Variants in ZCCHC2 observed in about 807,000 individuals in gnomAD.
ZCCHC2 encodes the protein zinc finger CCHC domain-containing protein 2.
In ZCCHC2, 39 loss-of-function variants were observed where a neutral mutation model predicts 103.6. The ratio of observed to expected loss-of-function variants is 0.38; its 90% CI spans 0.29 to 0.49. The LOEUF is 0.49. Among genes scored for constraint, ZCCHC2 ranks in the 20% least tolerant of loss-of-function variants. ZCCHC2 has a pLI of 0.96. For missense variants in ZCCHC2, 1,483 were observed against 1,491.0 expected, an observed-to-expected ratio of 0.99 and a Z score of 0.09; for synonymous variants, 687 against 608.9, an observed-to-expected ratio of 1.13 and a Z score of -1.89.
At position 62,523,376 on chromosome 18, in the gene ZCCHC2, G is replaced by GGGGGGGGCGGCC; in HGVS notation, c.-49_-48insGGGGGGGCGGCC. 1 of 1,012,354 alleles carries GGGGGGGGCGGCC rather than the reference G, an allele frequency of 9.9e-7. No homozygotes were observed. Among genetic ancestry groups the GGGGGGGGCGGCC allele is most frequent in the Non-Finnish European group, 1.2e-6 (1 of 848,992 alleles). The allele number at this position is 1,012,354 out of a possible 1,614,324, so 62.7% of individuals were successfully genotyped here. Reference sequence around the variant, plus strand: ...GCCTCGGCCCGTGCTCCACCTCGCGGCCCCTCCCGCCCGCCCCCGCTCGCA... The same window carrying GGGGGGGGCGGCC: ...GCCTCGGCCCGTGCTCCACCTCGCGGGGGGGGGCGGCCCCCCTCCCGCCCGCCCCCGCTCGCA... On this transcript the variant is annotated 5_prime_UTR_variant, in exon 1 of 14. Transcript: ENST00000269499.
chr18:62,577,674 A>G lies in ZCCHC2; in HGVS notation c.*1095A>G, dbSNP rs529326948. On this transcript the variant is annotated 3_prime_UTR_variant, in exon 14 of 14. Coordinates refer to ENST00000269499, the MANE Select transcript of ZCCHC2 (RefSeq NM_017742.6). ...TACCACTATGCTTGATTATAATGTG[A>G]AAGGCGGAATTCTGAGTGTGTTAAG... 6.6e-6 allele frequency: 1 copy of G among 152,546 alleles called. No individual in the cohort carries two copies. Among genetic ancestry groups the G allele is most frequent in the Non-Finnish European group, 1.5e-5 (1 of 68,034 alleles). The allele number at this position is 152,546 out of a possible 1,614,324, so 9.4% of individuals were successfully genotyped here. A position where few individuals can be genotyped will look rare whatever the true frequency, so the allele number is the denominator to read the frequency against.
chr18:62,536,303 A>C (rs1412126201), intron 1 of ZCCHC2, among the ~76,000 whole-genome samples: 1 of 152,240 alleles, frequency 6.6e-6, no homozygotes, highest in South Asian at 2.1e-4. Flanking sequence ...ATGCACTCCT[A>C]CTAAAGTTCT....
downstream of ZCCHC2, among the ~76,000 whole-genome samples, chr18:62,582,059 A>G (rs1168867493): frequency 6.6e-6 from 1 of 152,260 alleles, no homozygotes; most frequent in African/African-American, 2.4e-5. Context: ...GGAAAATTAT[A>G]AAAGAGTTTC....
intron 12 of ZCCHC2, among the ~76,000 whole-genome samples, chr18:62,570,479 C>T (rs1916552731): frequency 6.6e-6 from 1 of 152,156 alleles, no homozygotes. Flanking sequence ...AAGACAGGAT[C>T]ATAATGAGGT....
At chr18:62,538,819 C>T (rs998703685) in intron 1 of ZCCHC2, among the ~76,000 whole-genome samples, 1 of 152,010 alleles carries the variant, frequency 6.6e-6, no homozygotes, top group Non-Finnish European at 1.5e-5. Context: ...CTTCTATTTG[C>T]CTAATTTTTT....
At chr18:62,568,214 T>C (rs1299496383) in intron 11 of ZCCHC2, among the ~76,000 whole-genome samples, 2 of 152,142 alleles carry the variant, frequency 1.3e-5, no homozygotes, top group Non-Finnish European at 2.9e-5. Flanking sequence ...GTATTTTTAG[T>C]GTTAGAATAG....
chr18:62,523,376 G>GGGGGCC lies in ZCCHC2; in HGVS notation c.-49_-48insGGGGCC. On this transcript the variant is annotated 5_prime_UTR_variant, in exon 1 of 14. Coordinates refer to ENST00000269499, the MANE Select transcript of ZCCHC2 (RefSeq NM_017742.6). ...GCCTCGGCCCGTGCTCCACCTCGCG[G>GGGGGCC]CCCCTCCCGCCCGCCCCCGCTCGCA... is the stretch of plus-strand genomic sequence containing the variant. The GGGGGCC allele has an allele frequency of 4.9e-6, 5 of 1,012,340 alleles. No homozygotes were observed. The highest frequency in any genetic ancestry group is 5.9e-6 in the Non-Finnish European group (5 of 848,976). The allele number at this position is 1,012,340 out of a possible 1,614,324, so 62.7% of individuals were successfully genotyped here.
chr18:62,558,257 T>C (rs1568551063), intron 6 of ZCCHC2, among the ~76,000 whole-genome samples: 1 of 152,176 alleles, frequency 6.6e-6, no homozygotes, highest in Non-Finnish European at 1.5e-5. Flanking sequence ...AGAACAGAAA[T>C]TGAGAGCAGA....
chr18:62,556,059 G>A, intron 5 of ZCCHC2, 144 bp from the exon 6 acceptor site: 1 of 623,710 alleles, frequency 1.6e-6, no homozygotes, highest in Non-Finnish European at 2.7e-6. Context: ...AAATACATTA[G>A]AAAATAATAT....
intron 13 of ZCCHC2, among the ~76,000 whole-genome samples, chr18:62,576,003 C>G (rs1833466313): frequency 6.8e-6 from 1 of 147,320 alleles, no homozygotes; most frequent in South Asian, 2.3e-4. Flanking sequence ...TTTCCCCATG[C>G]TACCCTTTTC....
At chr18:62,526,405 G>GT (rs1914398303) in intron 1 of ZCCHC2, 1 of 152,292 alleles carries the variant, frequency 6.6e-6, no homozygotes. Flanking sequence ...TAGGGTTACC[G>GT]TAACACATCA....
At chr18:62,575,620 A>ATCTGTTTG in intron 13 of ZCCHC2, 70 bp downstream of exon 13, 4 of 1,511,312 alleles carry the variant, frequency 2.6e-6, no homozygotes, top group Non-Finnish European at 3.6e-6. Flanking sequence ...CTTATTGATC[A>ATCTGTTTG]TGGGATTCTG....
At position 62,523,376 on chromosome 18, in the gene ZCCHC2, G is replaced by GGGGGGGGCCGC; in HGVS notation, c.-49_-48insGGGGGGGCCGC. On this transcript the variant is annotated 5_prime_UTR_variant, in exon 1 of 14. Coordinates refer to ENST00000269499, the MANE Select transcript of ZCCHC2 (RefSeq NM_017742.6). Reference sequence around the variant, plus strand: ...GCCTCGGCCCGTGCTCCACCTCGCGGCCCCTCCCGCCCGCCCCCGCTCGCA... The same window carrying GGGGGGGGCCGC: ...GCCTCGGCCCGTGCTCCACCTCGCGGGGGGGGGCCGCCCCCTCCCGCCCGCCCCCGCTCGCA... 3 of 1,012,354 alleles carry GGGGGGGGCCGC rather than the reference G, an allele frequency of 3.0e-6. No individual in the cohort carries two copies. The highest frequency in any genetic ancestry group is 3.5e-6 in the Non-Finnish European group (3 of 848,992). The allele number at this position is 1,012,354 out of a possible 1,614,324, so 62.7% of individuals were successfully genotyped here.
intron 5 of ZCCHC2, among the ~76,000 whole-genome samples, chr18:62,554,009 TTGAAAATGTATC>T (rs1389530375): frequency 6.6e-6 from 1 of 152,268 alleles, no homozygotes; most frequent in Non-Finnish European, 1.5e-5. Context: ...AAAGATATGT[TTGAAAATGTATC>T]TGAAATATGT....
At chr18:62,565,939 A>T (rs541996932) in intron 11 of ZCCHC2, among the ~76,000 whole-genome samples, 106 of 152,304 alleles carry the variant, frequency 7.0e-4, no homozygotes, top group Non-Finnish European at 1.2e-3. Flanking sequence ...AAAAATAGTT[A>T]CCTTTTGAAT....
At chr18:62,546,374 C>T (rs1044514022) in intron 4 of ZCCHC2, among the ~76,000 whole-genome samples, 3 of 152,210 alleles carry the variant, frequency 2.0e-5, no homozygotes, top group African/African-American at 2.4e-5. Context: ...CTCACCCCAC[C>T]GCCACACACT....
At chr18:62,540,345 A>G (rs1203781159) in intron 2 of ZCCHC2, among the ~76,000 whole-genome samples, 1 of 152,138 alleles carries the variant, frequency 6.6e-6, no homozygotes, top group Non-Finnish European at 1.5e-5. Flanking sequence ...TGGAAAATGT[A>G]GACTGCCATC....
intron 1 of ZCCHC2, among the ~76,000 whole-genome samples, chr18:62,531,974 A>C (rs2145487735): frequency 6.6e-6 from 1 of 152,216 alleles, no homozygotes; most frequent in African/African-American, 2.4e-5. Context: ...ACAGAGTGAG[A>C]CGCTGTTTCA....
chr18:62,529,340 A>T (rs1598927116), intron 1 of ZCCHC2, among the ~76,000 whole-genome samples: 2 of 151,940 alleles, frequency 1.3e-5, no homozygotes, highest in Admixed American at 6.6e-5. Context: ...CCACTCTGGG[A>T]GTGTTAGGGT....
Sources: gnomAD v4.1 joint callset for allele counts (sites outside exome capture counted in the v4.1 genomes callset) on GRCh38, gnomAD v4.1.1 for gene constraint, MANE v1.5 for transcripts, NCBI Gene and HGNC (gene_info 2026-07-23, HGNC 2026-07-21) for gene names.